Variants in CRPPA observed in about 807,000 individuals in gnomAD.
CRPPA encodes CDP-L-ribitol pyrophosphorylase A.
In CRPPA, 43 loss-of-function variants were observed where a neutral mutation model predicts 52.0. The ratio of observed to expected loss-of-function variants is 0.83; its 90% CI spans 0.65 to 1.07. CRPPA has a LOEUF of 1.07. Ranked by LOEUF, CRPPA falls within the 50% of genes least tolerant of loss-of-function variation. The probability of loss-of-function intolerance (pLI) is 0.00; values close to 1 mark genes in which losing one functional copy is unlikely to be tolerated. For missense variants in CRPPA, 629 were observed against 551.7 expected (o/e 1.14, Z -1.40); for synonymous variants, 250 against 203.5 (o/e 1.23, Z -1.94).
chr7:16,124,151 A>G (rs955055799), intron 9 of CRPPA, among the ~76,000 whole-genome samples: 4 of 136,354 alleles, frequency 2.9e-5, no homozygotes, highest in African/African-American at 1.1e-4. Context: ...TGTTTTCCAT[A>G]ATGGCTGTAC....
intron 3 of CRPPA, among the ~76,000 whole-genome samples, chr7:16,332,660 G>C (rs112803831): frequency 2.6e-5 from 4 of 152,080 alleles, no homozygotes; most frequent in African/African-American, 9.6e-5. Flanking sequence ...ATTACTGAGA[G>C]AGAAAGAAGA....
chr7:16,167,748 G>A (rs765608943), intron 9 of CRPPA, among the ~76,000 whole-genome samples: 9 of 152,056 alleles, frequency 5.9e-5, no homozygotes, highest in Admixed American at 2.6e-4. Flanking sequence ...TGCATACTCC[G>A]CCTCAGGGCT....
At chr7:16,357,817 C>T (rs1015808672) in intron 3 of CRPPA, among the ~76,000 whole-genome samples, 4 of 152,194 alleles carry the variant, frequency 2.6e-5, no homozygotes, top group Non-Finnish European at 5.9e-5. Context: ...AATGAAGGAA[C>T]ATACCCTCTC....
At chr7:16,147,102 C>A (rs1782988365) in intron 9 of CRPPA, among the ~76,000 whole-genome samples, 1 of 152,210 alleles carries the variant, frequency 6.6e-6, no homozygotes, top group Admixed American at 6.5e-5. Flanking sequence ...AGCTCTCTTG[C>A]CTGCCTGCTG....
At chr7:16,368,771 T>C (rs1786674237) in intron 3 of CRPPA, among the ~76,000 whole-genome samples, 1 of 152,298 alleles carries the variant, frequency 6.6e-6, no homozygotes, top group African/African-American at 2.4e-5. Flanking sequence ...TCAGTAAAAA[T>C]GACCACACTT....
In CRPPA at chr7:16,111,017, T is replaced by C. The variant is rs567472983; in HGVS notation, c.1252-19218A>G. Among the ~76,000 whole-genome samples, 65 of 152,100 alleles carry C rather than the reference T, an allele frequency of 4.3e-4. 1 individual carries two copies. The highest frequency in any genetic ancestry group is 2.1e-3 in the South Asian group (10 of 4,810). On this transcript the variant is annotated intron_variant, in intron 9 of 9. Coordinates refer to ENST00000407010, the MANE Select transcript of CRPPA (RefSeq NM_001101426.4). ...TGGGAGAAAATCTGTGCATGCCATA[T>C]ACCCAATAAGAGGTTAATATTTAAA...
intron 9 of CRPPA, among the ~76,000 whole-genome samples, chr7:16,161,187 C>T (rs189758327): frequency 6.6e-6 from 1 of 152,232 alleles, no homozygotes; most frequent in East Asian, 1.9e-4. Flanking sequence ...CTTTCTCTTG[C>T]CTCTTTGCCC....
At chr7:16,338,116 G>A (rs1785732505) in intron 3 of CRPPA, among the ~76,000 whole-genome samples, 1 of 151,988 alleles carries the variant, frequency 6.6e-6, no homozygotes, top group Non-Finnish European at 1.5e-5. Context: ...CAAACCAATT[G>A]GGAATGACAG....
chr7:16,310,793 C>T (rs981940175), intron 3 of CRPPA, among the ~76,000 whole-genome samples: 1 of 151,978 alleles, frequency 6.6e-6, no homozygotes, highest in African/African-American at 2.4e-5. Flanking sequence ...GCCCACTTAA[C>T]GAAAACTATC....
At position 16,383,983 on chromosome 7, in the gene CRPPA, G is replaced by T. The variant is rs534401094; in HGVS notation, c.535-7742C>A. Among the ~76,000 whole-genome samples the T allele has an allele frequency of 2.7e-4, 41 of 152,296 alleles. No homozygotes were observed. The South Asian group carries it at 8.5e-3, about 32-fold the overall frequency. On this transcript the variant is annotated intron_variant, in intron 2 of 9. Coordinates refer to ENST00000407010, the MANE Select transcript of CRPPA (RefSeq NM_001101426.4). The stretch of plus-strand genomic sequence containing the variant: ...AATGCCTCGCCCTGCTTTGGCTCGC[G>T]CACGGTGCGCTGCACTCACTGTCCT...
chr7:16,301,712 T>C (rs1464789831), intron 4 of CRPPA, among the ~76,000 whole-genome samples: 2 of 152,210 alleles, frequency 1.3e-5, no homozygotes, highest in Non-Finnish European at 2.9e-5. Flanking sequence ...GAAATCTTAA[T>C]GTAACTCAAG....
intron 9 of CRPPA, among the ~76,000 whole-genome samples, chr7:16,181,412 T>C (rs962718107): frequency 6.6e-6 from 1 of 151,898 alleles, no homozygotes; most frequent in South Asian, 2.1e-4. Flanking sequence ...CACAATCAAA[T>C]TGAACAGGTG....
At chr7:16,126,216 C>T (rs1562516925) in intron 9 of CRPPA, among the ~76,000 whole-genome samples, 1 of 152,050 alleles carries the variant, frequency 6.6e-6, no homozygotes, top group Non-Finnish European at 1.5e-5. Flanking sequence ...TCCCCCATTC[C>T]CTACCTGCAT....
chr7:16,241,971 T>TTTG (rs1783123848), intron 8 of CRPPA, among the ~76,000 whole-genome samples: 11 of 86,166 alleles, frequency 1.3e-4, no homozygotes, highest in African/African-American at 3.0e-4. Flanking sequence ...TTTTTTTTGT[T>TTTG]GGGGGGAGAT....
chr7:16,390,481 A>G (rs894510148), intron 2 of CRPPA, among the ~76,000 whole-genome samples: 1 of 152,148 alleles, frequency 6.6e-6, no homozygotes, highest in African/African-American at 2.4e-5. Flanking sequence ...GCCAAATCCA[A>G]TTAATAGTTC....
At chr7:16,114,820 G>T (rs1047534444) in intron 9 of CRPPA, among the ~76,000 whole-genome samples, 1 of 152,082 alleles carries the variant, frequency 6.6e-6, no homozygotes, top group African/African-American at 2.4e-5. Context: ...TACAGTGACA[G>T]AAGAGAGCAG....
intron 6 of CRPPA, among the ~76,000 whole-genome samples, chr7:16,266,833 A>G (rs945663232): frequency 6.6e-6 from 1 of 152,184 alleles, no homozygotes. Context: ...GTAAAGCTGC[A>G]AAATACCACC....
At chr7:16,375,333 T>A (rs1786854430) in intron 3 of CRPPA, among the ~76,000 whole-genome samples, 1 of 152,178 alleles carries the variant, frequency 6.6e-6, no homozygotes, top group South Asian at 2.1e-4. Context: ...ATTGGGAAGT[T>A]TCTGACAAGC....
At chr7:16,414,401 ACC>A (rs1554367561) in intron 1 of CRPPA, among the ~76,000 whole-genome samples, 2 of 134,624 alleles carry the variant, frequency 1.5e-5, no homozygotes, top group Admixed American at 7.5e-5. Flanking sequence ...ACACACACAC[ACC>A]CCATGACACT....
Sources: allele counts gnomAD v4.1 joint callset (sites outside exome capture counted in the v4.1 genomes callset), GRCh38; gene constraint gnomAD v4.1.1; transcripts MANE v1.5; gene names NCBI Gene and HGNC (gene_info 2026-07-23, HGNC 2026-07-21).